The following RNF150 variants were observed in gnomAD, a reference collection of about 807,000 sequenced individuals.
RNF150 encodes ring finger protein 150.
Under a neutral mutation model 39.3 loss-of-function variants are expected in RNF150, and 24 were observed. That is an observed-to-expected ratio of 0.61 (90% CI 0.44 to 0.86). The LOEUF is 0.86. Among genes scored for constraint, RNF150 ranks in the 40% least tolerant of loss-of-function variants. The pLI, the probability that RNF150 is intolerant of heterozygous loss-of-function variation, is 0.00. For missense variants in RNF150, 502 were observed against 587.8 expected, an observed-to-expected ratio of 0.85 and a Z score of 1.51; for synonymous variants, 255 against 227.3, an observed-to-expected ratio of 1.12 and a Z score of -1.10.
At chr4:141,195,929 T>C (rs201556921) in intron 1 of RNF150, among the ~76,000 whole-genome samples, 1 of 152,120 alleles carries the variant, frequency 6.6e-6, no homozygotes, top group Non-Finnish European at 1.5e-5. Context: ...TTGGAAGTGA[T>C]AAAGAACAGC....
chr4:141,143,244 A>G (rs555121712), intron 1 of RNF150, among the ~76,000 whole-genome samples: 52 of 152,280 alleles, frequency 3.4e-4, no homozygotes, highest in African/African-American at 1.2e-3. Context: ...CCAGCTGCCT[A>G]ATTTACATAT....
At chr4:141,095,658 C>A (rs777981498) in intron 1 of RNF150, among the ~76,000 whole-genome samples, 2 of 152,194 alleles carry the variant, frequency 1.3e-5, no homozygotes, top group Non-Finnish European at 2.9e-5. Context: ...TATACCCACA[C>A]ATTTTTGTGT....
chr4:141,206,886 G>T (rs1317668940), intron 1 of RNF150, among the ~76,000 whole-genome samples: 1 of 152,056 alleles, frequency 6.6e-6, no homozygotes, highest in Admixed American at 6.5e-5. Flanking sequence ...CCTTTAGTCT[G>T]TGATTGAAGG....
chr4:141,138,381 G>C (rs1727061159), upstream of RNF150, among the ~76,000 whole-genome samples: 1 of 151,706 alleles, frequency 6.6e-6, no homozygotes, highest in South Asian at 2.1e-4. Flanking sequence ...TTCACAATAG[G>C]CTCCTAGATA....
chr4:141,080,512 ATTAG>A (rs993976808), intron 1 of RNF150, among the ~76,000 whole-genome samples: 10 of 152,278 alleles, frequency 6.6e-5, no homozygotes, highest in African/African-American at 2.4e-4. Context: ...TAATTTCTTA[ATTAG>A]TTTCATTTCA....
chr4:141,090,174 A>C (rs1449106983), intron 1 of RNF150, among the ~76,000 whole-genome samples: 1 of 152,178 alleles, frequency 6.6e-6, no homozygotes, highest in African/African-American at 2.4e-5. Flanking sequence ...TTGAAGATAG[A>C]GGAGGAAGAA....
intron 1 of RNF150, among the ~76,000 whole-genome samples, chr4:140,980,743 T>C (rs944468110): frequency 6.6e-6 from 1 of 152,148 alleles, no homozygotes; most frequent in East Asian, 1.9e-4. Context: ...TTCCGCATGA[T>C]TGTAAGTTTC....
At chr4:141,066,144 GT>G (rs1737448561) in intron 1 of RNF150, among the ~76,000 whole-genome samples, 1 of 151,404 alleles carries the variant, frequency 6.6e-6, no homozygotes, top group South Asian at 2.1e-4. Context: ...TCCTCCCACT[GT>G]TAAATTCTTT....
At chr4:141,076,939 G>A (rs1172999046) in intron 1 of RNF150, among the ~76,000 whole-genome samples, 2 of 152,040 alleles carry the variant, frequency 1.3e-5, no homozygotes, top group Non-Finnish European at 2.9e-5. Flanking sequence ...CCAGGCACTT[G>A]ATATCAATGG....
intron 4 of RNF150, among the ~76,000 whole-genome samples, chr4:140,935,316 T>G (rs899672452): frequency 2.0e-5 from 3 of 151,828 alleles, no homozygotes; most frequent in African/African-American, 7.3e-5. Context: ...CATTTTATAG[T>G]GTGTCTCACT....
chr4:141,113,356 A>G lies in RNF150; in HGVS notation c.484+18969T>C, dbSNP rs565604123. Among the ~76,000 whole-genome samples, 521 of 147,178 alleles carry G rather than the reference A, an allele frequency of 3.5e-3. 1 individual carries two copies. The highest frequency in any genetic ancestry group is 0.018 in the Middle Eastern group (5 of 276). ...GAAAGTTAAAAAAAAAAAAAAAAGC[A>G]GGGGTTGCAATCCTAGTCTTCAATA... On this transcript the variant is annotated intron_variant, in intron 1 of 6. Transcript: ENST00000515673.
At position 140,978,693 on chromosome 4, in the gene RNF150, T is replaced by TATGG. The variant is rs573749902; in HGVS notation, c.485-10824_485-10821dup. Reference sequence around the variant, plus strand: ...ATTATTTATGAATTTGTGATAACTGTATGGGGAGTGATGAATATAGAATAA... The same window carrying TATGG: ...ATTATTTATGAATTTGTGATAACTGTATGGATGGGGAGTGATGAATATAGAATAA... On this transcript the variant is annotated intron_variant, in intron 1 of 6. Transcript: ENST00000515673. Among the ~76,000 whole-genome samples, 250 of 152,280 alleles carry TATGG rather than the reference T, an allele frequency of 1.6e-3. 1 individual carries two copies. Among genetic ancestry groups the TATGG allele is most frequent in the African/African-American group, 5.8e-3 (240 of 41,570 alleles).
chr4:140,999,511 A>T (rs1734496615), intron 1 of RNF150, among the ~76,000 whole-genome samples: 1 of 152,198 alleles, frequency 6.6e-6, no homozygotes, highest in Non-Finnish European at 1.5e-5. Context: ...GCATGCAATA[A>T]TTTCTTTAAT....
intron 1 of RNF150, among the ~76,000 whole-genome samples, chr4:141,112,808 C>T (rs923597537): frequency 7.2e-5 from 11 of 152,084 alleles, no homozygotes; most frequent in Admixed American, 5.2e-4. Context: ...GGATGGTATC[C>T]GGAAGTGTAT....
At chr4:140,910,094 A>G (rs552311555) in intron 6 of RNF150, among the ~76,000 whole-genome samples, 2 of 152,064 alleles carry the variant, frequency 1.3e-5, no homozygotes, top group East Asian at 3.9e-4. Flanking sequence ...TTATCTCTCA[A>G]TTTTTCAACA....
chr4:140,958,494 G>T (rs1732874750), intron 2 of RNF150, among the ~76,000 whole-genome samples: 1 of 152,086 alleles, frequency 6.6e-6, no homozygotes. Context: ...CATCAATCTG[G>T]CTGCATGCCC....
chr4:140,947,228 A>T (rs1255114857), intron 4 of RNF150, among the ~76,000 whole-genome samples: 1 of 152,034 alleles, frequency 6.6e-6, no homozygotes, highest in Non-Finnish European at 1.5e-5. Context: ...CTTACTTCTG[A>T]CCATATTCTA....
At chr4:141,029,616 C>T (rs1307221703) in intron 1 of RNF150, among the ~76,000 whole-genome samples, 1 of 152,140 alleles carries the variant, frequency 6.6e-6, no homozygotes, top group Admixed American at 6.5e-5. Context: ...AAAGTCAATG[C>T]TAATTTGGGC....
intron 1 of RNF150, among the ~76,000 whole-genome samples, chr4:141,021,772 C>T (rs967591864): frequency 7.9e-5 from 12 of 152,198 alleles, no homozygotes; most frequent in African/African-American, 2.7e-4. Context: ...CCCATTGTTA[C>T]AGGTAGAAGC....
Sources: gnomAD v4.1 joint callset for allele counts (sites outside exome capture counted in the v4.1 genomes callset) on GRCh38, gnomAD v4.1.1 for gene constraint, MANE v1.5 for transcripts, NCBI Gene and HGNC (gene_info 2026-07-23, HGNC 2026-07-21) for gene names.